TASOR2: variants seen among roughly 807,000 people sequenced by gnomAD.
TASOR2 encodes the protein transcription activation suppressor family member 2.
A neutral mutation model predicts 199.5 loss-of-function variants in TASOR2; 84 were observed. That is an observed-to-expected ratio of 0.42 (90% CI 0.35 to 0.50). The LOEUF (loss-of-function observed/expected upper bound fraction) is 0.50. Among genes scored for constraint, TASOR2 ranks in the 20% least tolerant of loss-of-function variants. The probability of loss-of-function intolerance (pLI) is 0.02; values close to 1 mark genes in which losing one functional copy is unlikely to be tolerated. For synonymous variants in TASOR2, 1,103 were observed against 1,046.6 expected, an observed-to-expected ratio of 1.05 and a Z score of -1.04; for missense variants, 2,796 against 2,835.9, an observed-to-expected ratio of 0.99 and a Z score of 0.32.
In TASOR2 at chr10:5,720,468, G is replaced by T; in HGVS notation, c.-99-76G>T. 7.0e-7 allele frequency: 1 copy of T among 1,431,848 alleles called. No homozygotes were observed. The highest frequency in any genetic ancestry group is 9.1e-7 in the Non-Finnish European group (1 of 1,097,934). 88.7% of individuals were successfully genotyped at this position (1,431,848 alleles called of 1,614,324 possible). A position where few individuals can be genotyped will look rare whatever the true frequency, so the allele number is the denominator to read the frequency against. On this transcript the variant is annotated intron_variant, in intron 3 of 20. Coordinates refer to ENST00000328090, the Ensembl canonical transcript of TASOR2. This position sits in a 1 kb window ranked among gnomAD's most constrained non-coding sequence, Gnocchi z 5.3. Reference sequence around the variant, plus strand: ...TCTAATGTGTTAAATTTCAGGGCTCGGTGGGGTTGAGAAAAACTTGGTACA... The same window carrying T: ...TCTAATGTGTTAAATTTCAGGGCTCTGTGGGGTTGAGAAAAACTTGGTACA...
rs948250962 is a variant in TASOR2, at chr10:5,712,909, T to C, written c.-201T>C. On this transcript the variant is annotated 5_prime_UTR_variant, in exon 2 of 21. Transcript: ENST00000328090. Reference sequence around the variant, plus strand: ...CTTACGGGTTTCTTCTGTTTGATACTGAAAAGCAGGTAAGGGAATTAGGTT... The same window carrying C: ...CTTACGGGTTTCTTCTGTTTGATACCGAAAAGCAGGTAAGGGAATTAGGTT... The C allele has an allele frequency of 1.5e-5, 19 of 1,227,462 alleles. No individual in the cohort carries two copies. The East Asian group carries it at 4.4e-4, about 29-fold the overall frequency. The allele number at this position is 1,227,462 out of a possible 1,614,324, so 76.0% of individuals were successfully genotyped here.
intron 12 of TASOR2, 63 bp downstream of exon 13, chr10:5,735,609 T>G: frequency 6.4e-7 from 1 of 1,553,584 alleles, no homozygotes; most frequent in South Asian, 1.2e-5. Context: ...GAGTGCAAGA[T>G]AATTTATTGA....
At chr10:5,714,138 A>C in intron 2 of TASOR2, 1 of 1,231,614 alleles carries the variant, frequency 8.1e-7, no homozygotes, top group Non-Finnish European at 1.0e-6. Context: ...TTTAAAGGCA[A>C]AATTGGTATG....
Position 5,748,310 on chromosome 10 carries a change from A to C in TASOR2, c.4889A>C (p.Tyr1630Ser). ...GATTTGAAAACAGATGAAGGCATTT[A>C]TCTGCAGGTGAAGTCCTTGACAGCT... is the stretch of plus-strand genomic sequence containing the variant. Residue 1630 changes from tyrosine (Y) to serine (S), a missense_variant, in exon 15 of 21, where the codon TAT (tyrosine) becomes TCT (serine). Coordinates refer to ENST00000328090, the Ensembl canonical transcript of TASOR2. This position sits in a 1 kb window ranked among gnomAD's most constrained non-coding sequence, Gnocchi z 5.1. 6.2e-7 allele frequency: 1 copy of C among 1,614,264 alleles called. No homozygotes were observed. The highest frequency in any genetic ancestry group is 1.7e-5 in the Admixed American group (1 of 60,038).
intron 19 of TASOR2, among the ~76,000 whole-genome samples, chr10:5,762,318 G>C (rs544225007): frequency 1.3e-5 from 2 of 151,200 alleles, no homozygotes; most frequent in East Asian, 1.9e-4. Flanking sequence ...CATTTTTCAG[G>C]GATTTTTTTT....
At chr10:5,729,102 A>C (rs569452901) in intron 10 of TASOR2, among the ~76,000 whole-genome samples, 1 of 152,348 alleles carries the variant, frequency 6.6e-6, no homozygotes, top group East Asian at 1.9e-4. Flanking sequence ...TAATCCCAGC[A>C]CTTTGGGAGG....
intron 17 of TASOR2, among the ~76,000 whole-genome samples, chr10:5,758,043 C>T (rs1356255319): frequency 6.6e-6 from 1 of 152,176 alleles, no homozygotes; most frequent in Non-Finnish European, 1.5e-5. Context: ...TTTCTGATGT[C>T]AACACCCCTA....
Position 5,726,566 on chromosome 10 carries a change from G to A in TASOR2, c.352-319G>A, listed in dbSNP as rs1040179441. Among the ~76,000 whole-genome samples, 3 of 152,182 alleles carry A rather than the reference G, an allele frequency of 2.0e-5. No individual in the cohort carries two copies. The South Asian group carries it at 6.2e-4, about 32-fold the overall frequency. On this transcript the variant is annotated intron_variant, in intron 8 of 20. Coordinates refer to ENST00000328090, the Ensembl canonical transcript of TASOR2. Reference sequence around the variant, plus strand: ...ATGACTACATGGTAACATATTGGCTGTTTAGGCAGTGGTATGAAATGTCAG... The same window carrying A: ...ATGACTACATGGTAACATATTGGCTATTTAGGCAGTGGTATGAAATGTCAG...
rs1835704432 is a variant in TASOR2, at chr10:5,737,004, G to C, written c.1447+1458G>C. Among the ~76,000 whole-genome samples the C allele has an allele frequency of 1.3e-5, 2 of 152,172 alleles. No individual in the cohort carries two copies. The highest frequency in any genetic ancestry group is 2.9e-5 in the Non-Finnish European group (2 of 68,028). Reference sequence around the variant, plus strand: ...GAGATAGAATCTCACTCTGTCACCAGGCTGGAGTGCAGTAGCACGATCTCG... The same window carrying C: ...GAGATAGAATCTCACTCTGTCACCACGCTGGAGTGCAGTAGCACGATCTCG... On this transcript the variant is annotated intron_variant, in intron 12 of 20. Transcript: ENST00000328090. This position sits in a 1 kb window ranked among gnomAD's most constrained non-coding sequence, Gnocchi z 4.9.
intron 1 of TASOR2, among the ~76,000 whole-genome samples, chr10:5,692,427 A>G (rs940444895): frequency 1.3e-5 from 2 of 152,158 alleles, no homozygotes; most frequent in Non-Finnish European, 2.9e-5. Context: ...GCTTTGTAAA[A>G]TAATACTAAA....
At position 5,727,498 on chromosome 10, in the gene TASOR2, A is replaced by G. The variant is rs148324104; in HGVS notation, c.487+375A>G. 1.2e-3 allele frequency among the ~76,000 whole-genome samples: 187 copies of G among 152,272 alleles called. 3 individuals carry two copies. The East Asian group carries it at 0.026, about 22-fold the overall frequency. The stretch of plus-strand genomic sequence containing the variant: ...TTATCTGTTAGTCCTTTTCATATCA[A>G]GCCCATACATTTTTATTGTGATGTT... On this transcript the variant is annotated intron_variant, in intron 10 of 20. Transcript: ENST00000328090.
At chr10:5,723,749 C>T in exon 7 of TASOR2, 1 of 1,604,128 alleles carries the variant, frequency 6.2e-7, no homozygotes, top group Non-Finnish European at 8.5e-7. Flanking sequence ...AGGCTGCCTT[C>T]AGAAAACAGA....
At chr10:5,757,623 C>T in exon 17 of TASOR2, 1 of 1,613,750 alleles carries the variant, frequency 6.2e-7, no homozygotes, top group Non-Finnish European at 8.5e-7. Context: ...CTGTTTCGTG[C>T]AGGAGGCTTT....
At position 5,730,229 on chromosome 10, in the gene TASOR2, C is replaced by A. The variant is rs866100072; in HGVS notation, c.488-258C>A. 6.6e-6 allele frequency among the ~76,000 whole-genome samples: 1 copy of A among 152,266 alleles called. No homozygotes were observed. The highest frequency in any genetic ancestry group is 2.4e-5 in the African/African-American group (1 of 41,550). On this transcript the variant is annotated intron_variant, in intron 10 of 20. Transcript: ENST00000328090. The surrounding 1 kb of genome is among the most constrained non-coding windows in gnomAD (Gnocchi z 4.1). ...GGAGCTGGAGGCAGGGTTTAGTTTA[C>A]TTGTTCTAACCTAGTGATTGCATGT...
At chr10:5,695,027 G>GT (rs1347633312) in intron 1 of TASOR2, among the ~76,000 whole-genome samples, 2 of 152,058 alleles carry the variant, frequency 1.3e-5, no homozygotes, top group Admixed American at 1.3e-4. Flanking sequence ...TATAGTTGTT[G>GT]TTTTTTAATG....
rs182308689 is a variant in TASOR2 at position 5,761,014 on chromosome 10, C to T, written c.6993-276C>T. The stretch of plus-strand genomic sequence containing the variant: ...AATATACAACGCAATAAGGCCCACT[C>T]GAAATTCATGAAAGGCTTGCCAAGC... On this transcript the variant is annotated intron_variant, in intron 18 of 20. Transcript: ENST00000328090. The T allele has an allele frequency of 1.3e-5, 4 of 300,656 alleles. No homozygotes were observed. In the South Asian group the frequency reaches 2.0e-4, roughly 15 times the overall value. 18.6% of individuals were successfully genotyped at this position (300,656 alleles called of 1,614,324 possible).
At position 5,738,428 on chromosome 10, in the gene TASOR2, T is replaced by C. The variant is rs1835921011; in HGVS notation, c.1448-1190T>C. On this transcript the variant is annotated intron_variant, in intron 12 of 20. Transcript: ENST00000328090. This position sits in a 1 kb window ranked among gnomAD's most constrained non-coding sequence, Gnocchi z 4.7. ...GCCATAATATTAACAAAGAATGAAA[T>C]TAGCATCAGATCACAAAATTAATTT... Among the ~76,000 whole-genome samples, 1 of 152,220 alleles carries C rather than the reference T, an allele frequency of 6.6e-6. No homozygotes were observed. The highest frequency in any genetic ancestry group is 1.5e-5 in the Non-Finnish European group (1 of 68,040).
At chr10:5,717,957 A>G (rs1475512015) in intron 3 of TASOR2, among the ~76,000 whole-genome samples, 2 of 152,202 alleles carry the variant, frequency 1.3e-5, no homozygotes, top group Non-Finnish European at 2.9e-5. Context: ...CTTCAAAAAT[A>G]ATAAAAGGGT....
At chr10:5,721,071 G>C in intron 6 of TASOR2, 101 bp downstream of exon 7, 1 of 837,972 alleles carries the variant, frequency 1.2e-6, no homozygotes, top group Non-Finnish European at 1.9e-6. Flanking sequence ...GTAAAATACA[G>C]CAACTGTTCT....
Sources: gnomAD v4.1 joint callset for allele counts (sites outside exome capture counted in the v4.1 genomes callset) on GRCh38, gnomAD v4.1.1 for gene constraint, Gnocchi (gnomAD v3.1) non-coding constraint, MANE v1.5 for transcripts, NCBI Gene and HGNC (gene_info 2026-07-23, HGNC 2026-07-21) for gene names.